The following L3MBTL4 variants were observed in gnomAD, a reference collection of about 807,000 sequenced individuals.
The protein encoded by L3MBTL4 is lethal(3)malignant brain tumor-like protein 4.
A neutral mutation model predicts 84.5 loss-of-function variants in L3MBTL4; 70 were observed. The observed-to-expected ratio is 0.83, with a 90% CI of 0.68 to 1.01. The LOEUF is 1.01. Ranked by LOEUF, L3MBTL4 falls within the 50% of genes least tolerant of loss-of-function variation. The probability of loss-of-function intolerance (pLI) is 0.00; values close to 1 mark genes in which losing one functional copy is unlikely to be tolerated. For missense variants in L3MBTL4, 715 were observed against 754.8 expected (o/e 0.95, Z 0.62); for synonymous variants, 274 against 259.8 (o/e 1.05, Z -0.52).
intron 14 of L3MBTL4, among the ~76,000 whole-genome samples, chr18:6,127,898 C>T (rs999825196): frequency 5.3e-5 from 8 of 152,148 alleles, no homozygotes; most frequent in African/African-American, 1.9e-4. Context: ...CACAAAGCCT[C>T]ACGCCAGCTT....
At position 6,069,691 on chromosome 18, in the gene L3MBTL4, G is replaced by C. The variant is rs144218175; in HGVS notation, c.1444+11190C>G. On this transcript the variant is annotated intron_variant, in intron 16 of 18. Coordinates refer to ENST00000317931, the MANE Select transcript of L3MBTL4 (RefSeq NM_001330559.2). ...CACAGAAGAGTTCACAAAGGTAGTG[G>C]GGAGGAGCAGGCAGCAGTAAGCCTC... Among the ~76,000 whole-genome samples, 586 of 152,254 alleles carry C rather than the reference G, an allele frequency of 3.8e-3. 4 individuals are homozygous for C. Among genetic ancestry groups the C allele is most frequent in the African/African-American group, 0.014 (571 of 41,536 alleles).
intron 4 of L3MBTL4, among the ~76,000 whole-genome samples, chr18:6,294,386 T>C (rs1415289917): frequency 6.6e-6 from 1 of 152,152 alleles, no homozygotes; most frequent in East Asian, 1.9e-4. Flanking sequence ...TGAGCGAGCA[T>C]TAAAATGCAC....
intron 1 of L3MBTL4, among the ~76,000 whole-genome samples, chr18:6,352,097 G>A (rs2053227423): frequency 7.2e-6 from 1 of 138,212 alleles, no homozygotes; most frequent in South Asian, 2.2e-4. Context: ...AAGACAGGTG[G>A]GTTTAAATTT....
chr18:6,403,219 A>G (rs1456067607), intron 1 of L3MBTL4, among the ~76,000 whole-genome samples: 1 of 152,232 alleles, frequency 6.6e-6, no homozygotes, highest in East Asian at 1.9e-4. Context: ...TTTACATATC[A>G]TCAGAAAGTA....
chr18:6,134,430 A>G (rs1389394615), intron 14 of L3MBTL4, among the ~76,000 whole-genome samples: 4 of 152,118 alleles, frequency 2.6e-5, no homozygotes, highest in Non-Finnish European at 5.9e-5. Context: ...CATTAACCCA[A>G]AAGTCCACAG....
At chr18:6,091,508 G>A (rs1027317695) in intron 15 of L3MBTL4, among the ~76,000 whole-genome samples, 3 of 152,184 alleles carry the variant, frequency 2.0e-5, no homozygotes, top group Admixed American at 1.3e-4. Flanking sequence ...GACAACCGGT[G>A]ATTTGTCTGC....
chr18:6,309,746 T>C (rs966388377), intron 3 of L3MBTL4, among the ~76,000 whole-genome samples: 1 of 152,192 alleles, frequency 6.6e-6, no homozygotes, highest in Non-Finnish European at 1.5e-5. Flanking sequence ...ACTCAGATTG[T>C]AGAGTAAGAT....
intron 16 of L3MBTL4, among the ~76,000 whole-genome samples, chr18:6,009,971 C>T (rs1296145454): frequency 6.6e-6 from 1 of 152,172 alleles, no homozygotes; most frequent in South Asian, 2.1e-4. Context: ...TTCATTAGTT[C>T]CTTAGTCATC....
intron 1 of L3MBTL4, among the ~76,000 whole-genome samples, chr18:6,360,519 T>C (rs1307580937): frequency 1.3e-5 from 2 of 152,122 alleles, no homozygotes; most frequent in African/African-American, 4.8e-5. Flanking sequence ...AGAAAGGAGA[T>C]TTATCACTTT....
intron 4 of L3MBTL4, among the ~76,000 whole-genome samples, chr18:6,276,760 T>C (rs2049097209): frequency 6.9e-6 from 1 of 144,506 alleles, no homozygotes; most frequent in Non-Finnish European, 1.5e-5. Context: ...CAGACAACAG[T>C]AAGTGTTAAG....
chr18:6,253,094 C>T (rs747248924), intron 5 of L3MBTL4, among the ~76,000 whole-genome samples: 2 of 152,196 alleles, frequency 1.3e-5, no homozygotes, highest in Middle Eastern at 3.4e-3. Context: ...CCCAGCTACT[C>T]GGGAGGCTGA....
chr18:6,322,959 C>T (rs142887914), intron 1 of L3MBTL4, among the ~76,000 whole-genome samples: 32 of 152,114 alleles, frequency 2.1e-4, no homozygotes, highest in African/African-American at 7.2e-4. Flanking sequence ...CAGAATTCCC[C>T]CTTGGTATTG....
chr18:6,241,534 G>T, intron 7 of L3MBTL4, 85 bp from the exon 8 acceptor site: 1 of 738,586 alleles, frequency 1.4e-6, no homozygotes, highest in Non-Finnish European at 2.3e-6. Flanking sequence ...AAAAGTAAGT[G>T]CGGTTTTGGC....
chr18:6,197,746 G>C (rs1255144077), intron 12 of L3MBTL4, among the ~76,000 whole-genome samples: 20 of 152,174 alleles, frequency 1.3e-4, no homozygotes. Context: ...CTGTGATTCT[G>C]TCATCCACCT....
At chr18:6,167,054 C>T (rs1387661171) in intron 13 of L3MBTL4, among the ~76,000 whole-genome samples, 2 of 152,154 alleles carry the variant, frequency 1.3e-5, no homozygotes, top group African/African-American at 4.8e-5. Context: ...AATACCTCTA[C>T]ACAAATAAAC....
At chr18:6,241,558 G>A in intron 7 of L3MBTL4, 109 bp from the exon 8 acceptor site, 2 of 599,630 alleles carry the variant, frequency 3.3e-6, no homozygotes, top group Non-Finnish European at 5.8e-6. Context: ...TACTTTTAAT[G>A]GAAAAAAAAC....
At chr18:6,005,419 A>G (rs2054430040) in intron 16 of L3MBTL4, among the ~76,000 whole-genome samples, 1 of 152,128 alleles carries the variant, frequency 6.6e-6, no homozygotes. Context: ...GGTTTGGGGT[A>G]CAGATTATTT....
chr18:6,393,298 C>T (rs898587075), intron 1 of L3MBTL4, among the ~76,000 whole-genome samples: 5 of 152,088 alleles, frequency 3.3e-5, no homozygotes, highest in South Asian at 2.1e-4. Flanking sequence ...CGGAATTCAG[C>T]GGAAGTAAAG....
intron 16 of L3MBTL4, among the ~76,000 whole-genome samples, chr18:6,012,121 T>C (rs1033965340): frequency 4.6e-5 from 7 of 152,200 alleles, no homozygotes; most frequent in Non-Finnish European, 1.5e-5. Context: ...TCAGCTCAGG[T>C]ACCTGTGCTG....
Sources: gnomAD v4.1 joint callset for allele counts (sites outside exome capture counted in the v4.1 genomes callset) on GRCh38, gnomAD v4.1.1 for gene constraint, MANE v1.5 for transcripts, NCBI Gene and HGNC (gene_info 2026-07-23, HGNC 2026-07-21) for gene names.